Variants in RNF213 observed in about 807,000 individuals in gnomAD.
RNF213 encodes the protein E3 ubiquitin-protein ligase RNF213.
RNF213 carries 341 observed loss-of-function variants against 514.4 expected under a neutral mutation model. The observed-to-expected ratio is 0.66, with a 90% CI of 0.61 to 0.73. RNF213 has a LOEUF of 0.73. Ranked by LOEUF, RNF213 falls within the 30% of genes least tolerant of loss-of-function variation. RNF213 has a pLI of 0.00. For missense variants in RNF213, 5,767 were observed against 6,615.6 expected, an observed-to-expected ratio of 0.87 and a Z score of 4.45; for synonymous variants, 2,655 against 2,658.2, an observed-to-expected ratio of 1.00 and a Z score of 0.04.
At chr17:80,275,367 G>T (rs985209852) in intron 3 of RNF213, among the ~76,000 whole-genome samples, 5 of 151,968 alleles carry the variant, frequency 3.3e-5, no homozygotes, top group Non-Finnish European at 7.4e-5. Context: ...TACGGATGGT[G>T]TTCCTTGAAA....
Position 80,383,791 on chromosome 17 carries a change from C to T in RNF213, c.14185C>T (p.Leu4729=), listed in dbSNP as rs1292357558. 1.9e-6 allele frequency: 3 copies of T among 1,614,210 alleles called. No homozygotes were observed. Among genetic ancestry groups the T allele is most frequent in the Non-Finnish European group, 2.5e-6 (3 of 1,180,050 alleles). The change falls in exon 59 of 68, where the codon CTG becomes TTG. Residue 4729 remains leucine (L), a synonymous_variant. Transcript: ENST00000582970. ...TGACCCAGTGACCTTCCTGCCCCAC[C>T]TGCCCCGGAAAAGTGTGGTCCATTG... is the stretch of plus-strand genomic sequence containing the variant. ...YGDPVTFLPH[L]PRKSVVHCSK...
In RNF213 at chr17:80,263,696, G is replaced by A. The variant is rs372376812; in HGVS notation, c.15G>A (p.Ser5=). The A allele has an allele frequency of 4.0e-5, 65 of 1,614,172 alleles. No individual in the cohort carries two copies. Among genetic ancestry groups the A allele is most frequent in the African/African-American group, 2.8e-4 (21 of 75,064 alleles). The change falls in exon 2 of 68, where the codon TCG becomes TCA. Residue 5 remains serine, a synonymous_variant. Transcript: ENST00000582970. The surrounding 1 kb of genome is among the most constrained non-coding windows in gnomAD (Gnocchi z 4.9). MECP[S]CQHVSKEETP... is the part of the protein sequence containing the mutation. ...CAGCAGGACCCATGGAGTGTCCTTC[G>A]TGCCAGCATGTCTCCAAGGAGGAAA...
In RNF213 at chr17:80,398,713, G is replaced by C. The variant is rs2080708239; in HGVS notation, c.*5215G>C. The C allele has an allele frequency of 6.8e-6, 1 of 148,100 alleles. No individual in the cohort carries two copies. The highest frequency in any genetic ancestry group is 2.5e-5 in the African/African-American group (1 of 40,568). 9.2% of individuals were successfully genotyped at this position (148,100 alleles called of 1,614,324 possible). A position where few individuals can be genotyped will look rare whatever the true frequency, so the allele number is the denominator to read the frequency against. On this transcript the variant is annotated 3_prime_UTR_variant, in exon 68 of 68. Coordinates refer to ENST00000582970, the MANE Select transcript of RNF213 (RefSeq NM_001256071.3). ...GAAGAGACAGACAAAGAGGGAGTCAGAGAGAGAGAGAGAAAGAGACAGAGG... is the reference window on the plus strand; with the variant it reads ...GAAGAGACAGACAAAGAGGGAGTCACAGAGAGAGAGAGAAAGAGACAGAGG...
At chr17:80,374,148 G>C (rs1276554194) in intron 49 of RNF213, among the ~76,000 whole-genome samples, 3 of 152,046 alleles carry the variant, frequency 2.0e-5, no homozygotes, top group Non-Finnish European at 4.4e-5. Context: ...CTGGGGTTTA[G>C]AGTTGACATG....
chr17:80,293,517 T>C (rs1036181284), intron 8 of RNF213, among the ~76,000 whole-genome samples: 1 of 152,088 alleles, frequency 6.6e-6, no homozygotes, highest in African/African-American at 2.4e-5. Flanking sequence ...ATGGCATTGA[T>C]GGCTCGGTTA....
chr17:80,349,944 C>G, intron 30 of RNF213, 38 bp downstream of exon 30: 1 of 1,611,928 alleles, frequency 6.2e-7, no homozygotes, highest in South Asian at 1.1e-5. Context: ...CTCTCCCTCC[C>G]CAGCCGCAGC....
At chr17:80,382,474 T>G (rs1336775637) in intron 57 of RNF213, 15 of 160,418 alleles carry the variant, frequency 9.4e-5, no homozygotes, top group Non-Finnish European at 2.1e-4. Context: ...TGCCTGAAAC[T>G]GGCATTCCTA....
Position 80,369,672 on chromosome 17 carries a change from G to A in RNF213, c.12325+1G>A. 1.9e-6 allele frequency: 3 copies of A among 1,614,198 alleles called. No individual in the cohort carries two copies. The highest frequency in any genetic ancestry group is 2.5e-6 in the Non-Finnish European group (3 of 1,180,046). ...GGGCGCTTAAGAGATGCTGCCCAGA[G>A]TAGGTTGCTTTCTTCCTGTAAACCT... On this transcript the variant is annotated splice_donor_variant, in intron 45 of 67. Coordinates refer to ENST00000582970, the MANE Select transcript of RNF213 (RefSeq NM_001256071.3). LOFTEE classifies it high-confidence loss of function.
rs749651607 is a variant in RNF213, at chr17:80,263,821, C to A, written c.97+43C>A. 78 of 1,547,074 alleles carry A rather than the reference C, an allele frequency of 5.0e-5. No homozygotes were observed. Among genetic ancestry groups the A allele is most frequent in the Non-Finnish European group, 6.8e-5 (76 of 1,119,342 alleles). The stretch of plus-strand genomic sequence containing the variant: ...TGGTGGAGGCTGGGGCAGTGGGGAC[C>A]CCTGGAGATGTCTCACCTCCCTTCC... On this transcript the variant is annotated intron_variant, in intron 2 of 67. Coordinates refer to ENST00000582970, the MANE Select transcript of RNF213 (RefSeq NM_001256071.3). The surrounding 1 kb of genome is among the most constrained non-coding windows in gnomAD (Gnocchi z 4.9).
Position 80,273,318 on chromosome 17 carries a change from G to C in RNF213, c.175G>C (p.Gly59Arg). 2.5e-6 allele frequency: 4 copies of C among 1,613,570 alleles called. No homozygotes were observed. Among genetic ancestry groups the C allele is most frequent in the Non-Finnish European group, 3.4e-6 (4 of 1,179,994 alleles). The change falls in exon 3 of 68, where the codon GGG becomes CGG. Residue 59 changes from glycine (G) to arginine (R), a missense_variant. Gly to Arg is a moderately radical substitution (Grantham distance 125). Coordinates refer to ENST00000582970, the MANE Select transcript of RNF213 (RefSeq NM_001256071.3). The part of the protein sequence containing the change: ...MECGQELKEE[G>R]GPCLFPGSDS... The stretch of plus-strand genomic sequence containing the variant: ...GTGTGGGCAGGAGCTGAAGGAGGAA[G>C]GGGGCCCGTGCTTGTTCCCGGGCTC...
intron 5 of RNF213, among the ~76,000 whole-genome samples, chr17:80,289,297 T>C (rs1264944071): frequency 2.0e-5 from 3 of 152,080 alleles, no homozygotes; most frequent in African/African-American, 7.2e-5. Flanking sequence ...TAGGGGTCAA[T>C]GTGGAGGCTG....
intron 54 of RNF213, 43 bp from the exon 55 acceptor site, chr17:80,379,577 G>T: frequency 6.5e-7 from 1 of 1,549,968 alleles, no homozygotes. Context: ...GCATAAAATG[G>T]TACTGCTCCA....
At chr17:80,293,745 T>C (rs2044828763) in intron 8 of RNF213, among the ~76,000 whole-genome samples, 1 of 151,638 alleles carries the variant, frequency 6.6e-6, no homozygotes, top group Non-Finnish European at 1.5e-5. Flanking sequence ...GAGAATGGCG[T>C]GAACCCGGGA....
chr17:80,381,980 G>A, intron 57 of RNF213: 2 of 509,370 alleles, frequency 3.9e-6, no homozygotes, highest in Non-Finnish European at 7.2e-6. Context: ...CCCCTGCCTG[G>A]CTAAGACCTG....
Position 80,360,102 on chromosome 17 carries a change from T to C in RNF213, c.11096T>C (p.Met3699Thr), listed in dbSNP as rs201141064. Reference sequence around the variant, plus strand: ...GCCTACATCGTGGTGCAGAACCACATGAACCTTTCCGAGAACGCTTCCAAC... The same window carrying C: ...GCCTACATCGTGGTGCAGAACCACACGAACCTTTCCGAGAACGCTTCCAAC... Reference protein sequence around the residue: ...EMAYIVVQNHMNLSENASNNV... With the variant: ...EMAYIVVQNHTNLSENASNNV... Residue 3699 changes from methionine (M) to threonine (T), a missense_variant, in exon 38 of 68, where the codon ATG (methionine) becomes ACG (threonine). Met to Thr is a moderately conservative substitution (Grantham distance 81). This residue lies in a region of RNF213 where 919 missense variants were observed against 1,121.0 expected (regional missense o/e 0.82). Coordinates refer to ENST00000582970, the MANE Select transcript of RNF213 (RefSeq NM_001256071.3). 1.0e-4 allele frequency: 166 copies of C among 1,614,188 alleles called. No homozygotes were observed. Among genetic ancestry groups the C allele is most frequent in the Admixed American group, 4.2e-4 (25 of 60,022 alleles).
chr17:80,323,055 A>G (rs1165028042), intron 17 of RNF213, among the ~76,000 whole-genome samples: 2 of 152,004 alleles, frequency 1.3e-5, no homozygotes, highest in Non-Finnish European at 2.9e-5. Context: ...GTTCCTTTTT[A>G]TATATGGTGT....
In RNF213 at chr17:80,383,260, C is replaced by A. The variant is rs1002537073; in HGVS notation, c.14070+190C>A. On this transcript the variant is annotated intron_variant, in intron 58 of 67. Transcript: ENST00000582970. ...CTCCTGTCCCCAAGTGCTCTTCCCT[C>A]CTACAGCTGGTCATGAAGTCAGTCC... Among the ~76,000 whole-genome samples the A allele has an allele frequency of 1.8e-4, 27 of 152,180 alleles. 1 individual carries two copies. Among genetic ancestry groups the A allele is most frequent in the Non-Finnish European group, 4.0e-4 (27 of 68,040 alleles).
Position 80,287,803 on chromosome 17 carries a change from C to T in RNF213, c.262-12C>T, listed in dbSNP as rs767631735. On this transcript the variant is annotated splice_polypyrimidine_tract_variant and intron_variant, in intron 3 of 67. Transcript: ENST00000582970. Reference sequence around the variant, plus strand: ...TCTAAGAAATAAAGTGAGTGTCTCTCTTTCTGTTTAGAGCAAAAAGAAGAA... The same window carrying T: ...TCTAAGAAATAAAGTGAGTGTCTCTTTTTCTGTTTAGAGCAAAAAGAAGAA... The T allele has an allele frequency of 1.9e-6, 3 of 1,613,350 alleles. No homozygotes were observed. Among genetic ancestry groups the T allele is most frequent in the Admixed American group, 3.3e-5 (2 of 60,026 alleles).
rs547666139 is a variant in RNF213 at position 80,367,740 on chromosome 17, T to C, written c.11872-8T>C. On this transcript the variant is annotated splice_polypyrimidine_tract_variant and splice_region_variant and intron_variant, in intron 42 of 67. Transcript: ENST00000582970. ...CTGCTAATGACTCCTGTCCCTGCCTTTCTTCAGTGTCTTCGAGAGAACTCT... is the reference window on the plus strand; with the variant it reads ...CTGCTAATGACTCCTGTCCCTGCCTCTCTTCAGTGTCTTCGAGAGAACTCT... The C allele has an allele frequency of 9.3e-6, 15 of 1,613,058 alleles. No homozygotes were observed. Among genetic ancestry groups the C allele is most frequent in the Middle Eastern group, 1.7e-4 (1 of 6,058 alleles).
Sources: allele counts gnomAD v4.1 joint callset (sites outside exome capture counted in the v4.1 genomes callset), GRCh38; gene constraint gnomAD v4.1.1; regional missense constraint gnomAD v4.1.1; non-coding constraint Gnocchi (gnomAD v3.1); transcripts MANE v1.5; gene names NCBI Gene and HGNC (gene_info 2026-07-23, HGNC 2026-07-21).